The following PTPRM variants were observed in gnomAD, a reference collection of about 807,000 sequenced individuals.
The protein encoded by PTPRM is receptor-type tyrosine-protein phosphatase mu.
PTPRM carries 47 observed loss-of-function variants against 186.7 expected under a neutral mutation model. That is an observed-to-expected ratio of 0.25 (90% CI 0.20 to 0.32). The LOEUF (loss-of-function observed/expected upper bound fraction) is 0.32. PTPRM is among the 10% of genes least tolerant of loss of function. The pLI, the probability that PTPRM is intolerant of heterozygous loss-of-function variation, is 1.00. For missense variants in PTPRM, 1,494 were observed against 1,865.0 expected (o/e 0.80, Z 3.66); for synonymous variants, 668 against 674.9 (o/e 0.99, Z 0.16).
At chr18:8,063,868 C>T (rs1049858686) in intron 7 of PTPRM, among the ~76,000 whole-genome samples, 1 of 152,148 alleles carries the variant, frequency 6.6e-6, no homozygotes, top group African/African-American at 2.4e-5. Flanking sequence ...TTTAAATGTA[C>T]TAGCCAAACC....
chr18:8,246,024 A>G (rs1053277704), intron 15 of PTPRM, among the ~76,000 whole-genome samples: 2 of 152,220 alleles, frequency 1.3e-5, no homozygotes, highest in African/African-American at 4.8e-5. Context: ...AATAAAGCCA[A>G]CAGAAGGAAC....
At chr18:7,779,368 T>C (rs551305798) in intron 2 of PTPRM, among the ~76,000 whole-genome samples, 1 of 152,324 alleles carries the variant, frequency 6.6e-6, no homozygotes, top group South Asian at 2.1e-4. Context: ...CTGCTAATTT[T>C]CATGGAAATG....
chr18:7,998,273 C>T (rs1599950397), intron 7 of PTPRM, among the ~76,000 whole-genome samples: 1 of 151,944 alleles, frequency 6.6e-6, no homozygotes, highest in Middle Eastern at 3.5e-3. Flanking sequence ...TTAAACAAGG[C>T]AGGCACAGAA....
chr18:8,337,873 A>G (rs757735966), intron 22 of PTPRM, among the ~76,000 whole-genome samples: 1 of 152,208 alleles, frequency 6.6e-6, no homozygotes, highest in Non-Finnish European at 1.5e-5. Flanking sequence ...CATTTGCCTT[A>G]TTAAAGAATT....
intron 2 of PTPRM, among the ~76,000 whole-genome samples, chr18:7,784,743 G>A (rs9949274): frequency 0.03 from 4,634 of 152,208 alleles, 236 homozygotes; most frequent in African/African-American, 0.1. Context: ...TTTTGACATT[G>A]ACACTGCTTT....
chr18:7,911,484 A>G (rs981219632), intron 4 of PTPRM, among the ~76,000 whole-genome samples: 2 of 152,360 alleles, frequency 1.3e-5, no homozygotes, highest in South Asian at 4.1e-4. Flanking sequence ...ATGACTAATG[A>G]TGTTGAGCAT....
intron 1 of PTPRM, among the ~76,000 whole-genome samples, chr18:7,755,535 A>G (rs1008488517): frequency 2.2e-4 from 34 of 152,290 alleles, no homozygotes; most frequent in African/African-American, 7.2e-4. Context: ...TTTGGGTCCG[A>G]AGCAAAAATA....
intron 31 of PTPRM, among the ~76,000 whole-genome samples, chr18:8,392,479 T>C (rs1422518027): frequency 1.3e-5 from 2 of 151,856 alleles, no homozygotes; most frequent in African/African-American, 4.8e-5. Flanking sequence ...ACAAAAAAAT[T>C]AGCCGGGCAT....
chr18:7,811,819 T>A (rs1485239412), intron 2 of PTPRM, among the ~76,000 whole-genome samples: 1 of 152,158 alleles, frequency 6.6e-6, no homozygotes, highest in Non-Finnish European at 1.5e-5. Context: ...TGTTGGGCAA[T>A]TATAATCTAT....
intron 31 of PTPRM, among the ~76,000 whole-genome samples, chr18:8,388,045 G>A (rs1017025592): frequency 6.6e-6 from 1 of 151,956 alleles, no homozygotes; most frequent in Non-Finnish European, 1.5e-5. Context: ...AAATGCCTAG[G>A]TGATTTCAAT....
At chr18:8,305,420 A>G (rs73939424) in intron 20 of PTPRM, among the ~76,000 whole-genome samples, 2,693 of 152,312 alleles carry the variant, frequency 0.018, 80 homozygotes, top group African/African-American at 0.062. Flanking sequence ...TATACCAGCT[A>G]CTTACTAATG....
At chr18:7,700,892 G>GC (rs2144706316) in intron 1 of PTPRM, among the ~76,000 whole-genome samples, 1 of 147,492 alleles carries the variant, frequency 6.8e-6, no homozygotes, top group East Asian at 2.1e-4. Flanking sequence ...TGTGAGAATT[G>GC]CTTGAGCCCA....
intron 2 of PTPRM, among the ~76,000 whole-genome samples, chr18:7,827,998 C>T (rs1879678409): frequency 6.6e-6 from 1 of 152,190 alleles, no homozygotes; most frequent in African/African-American, 2.4e-5. Flanking sequence ...GTGAGAGTGG[C>T]TGACATGATG....
At chr18:8,241,424 A>G (rs2094433758) in intron 14 of PTPRM, among the ~76,000 whole-genome samples, 1 of 152,266 alleles carries the variant, frequency 6.6e-6, no homozygotes, top group African/African-American at 2.4e-5. Flanking sequence ...TTCAGTTCCA[A>G]TACAATGACA....
chr18:8,315,945 CTCCAGGT>C (rs2095306170), intron 21 of PTPRM, among the ~76,000 whole-genome samples: 1 of 152,190 alleles, frequency 6.6e-6, no homozygotes, highest in Non-Finnish European at 1.5e-5. Flanking sequence ...ACCATACCCT[CTCCAGGT>C]TCCATTTATT....
At chr18:8,150,437 C>A (rs182067748) in intron 14 of PTPRM, among the ~76,000 whole-genome samples, 1 of 151,922 alleles carries the variant, frequency 6.6e-6, no homozygotes, top group African/African-American at 2.4e-5. Flanking sequence ...TTGATTGATT[C>A]GGCTATTGAT....
intron 23 of PTPRM, among the ~76,000 whole-genome samples, chr18:8,355,827 A>C (rs1218561348): frequency 1.3e-5 from 2 of 152,242 alleles, no homozygotes; most frequent in Non-Finnish European, 2.9e-5. Context: ...AGAAGGTAAC[A>C]GCTCCAGAGG....
chr18:7,850,965 A>G (rs1487103947), intron 2 of PTPRM, among the ~76,000 whole-genome samples: 2 of 152,240 alleles, frequency 1.3e-5, no homozygotes, highest in African/African-American at 4.8e-5. Context: ...GGAGTTTAAT[A>G]TAACAATGAT....
rs76756339 is a variant in PTPRM at position 8,274,466 on chromosome 18, T to C, written c.2754+21052T>C. On this transcript the variant is annotated intron_variant, in intron 19 of 32. Coordinates refer to ENST00000580170, the MANE Select transcript of PTPRM (RefSeq NM_001105244.2). ...AATTGCTTTTCCAATGCTTTTCCCA[T>C]GTGACTCTTTTCAATAGTTTTCACT... Among the ~76,000 whole-genome samples the C allele has an allele frequency of 8.6e-3, 1,314 of 152,306 alleles. 14 individuals are homozygous for C. Among genetic ancestry groups the C allele is most frequent in the Middle Eastern group, 0.061 (18 of 294 alleles).
Sources: gnomAD v4.1 joint callset for allele counts (sites outside exome capture counted in the v4.1 genomes callset) on GRCh38, gnomAD v4.1.1 for gene constraint, MANE v1.5 for transcripts, NCBI Gene and HGNC (gene_info 2026-07-23, HGNC 2026-07-21) for gene names.